DPYSL5: variants seen among roughly 807,000 people sequenced by gnomAD.
DPYSL5 encodes dihydropyrimidinase like 5.
A neutral mutation model predicts 58.4 loss-of-function variants in DPYSL5; 9 were observed. That is an observed-to-expected ratio of 0.15 (90% CI 0.09 to 0.27). The LOEUF is 0.27. Among genes scored for constraint, DPYSL5 ranks in the 10% least tolerant of loss-of-function variants. The pLI is 1.00. For synonymous variants in DPYSL5, 293 were observed against 301.9 expected (o/e 0.97, Z 0.31); for missense variants, 499 against 770.6 (o/e 0.65, Z 4.17).
intron 2 of DPYSL5, among the ~76,000 whole-genome samples, chr2:26,907,180 T>C (rs1400274431): frequency 6.6e-6 from 1 of 152,106 alleles, no homozygotes; most frequent in South Asian, 2.1e-4. Flanking sequence ...AGTGGTGCAA[T>C]CTTGGCTCAC....
chr2:26,863,426 C>T (rs1666066275), intron 1 of DPYSL5, among the ~76,000 whole-genome samples: 1 of 152,248 alleles, frequency 6.6e-6, no homozygotes, highest in Non-Finnish European at 1.5e-5. Flanking sequence ...CACTGCTTCT[C>T]AAATCTTGCC....
intron 9 of DPYSL5, among the ~76,000 whole-genome samples, chr2:26,941,268 G>A (rs1665316247): frequency 6.6e-6 from 1 of 152,112 alleles, no homozygotes; most frequent in Non-Finnish European, 1.5e-5. Flanking sequence ...ATTTCCTTAA[G>A]ACAGCATCCT....
intron 1 of DPYSL5, among the ~76,000 whole-genome samples, chr2:26,884,973 C>T (rs1023046889): frequency 2.0e-5 from 3 of 151,916 alleles, no homozygotes; most frequent in East Asian, 3.9e-4. Context: ...CTGAGGCAGG[C>T]GGATCACCTG....
chr2:26,896,737 G>T (rs1664031253), intron 1 of DPYSL5, among the ~76,000 whole-genome samples: 1 of 152,102 alleles, frequency 6.6e-6, no homozygotes, highest in Non-Finnish European at 1.5e-5. Context: ...TTGTTTTCTT[G>T]CTGTTGGGCT....
Position 26,905,691 on chromosome 2 carries a change from C to T in DPYSL5, c.261+6931C>T, listed in dbSNP as rs2148142689. ...GCTGTAAAGAGCCCTGTGAAGGCTT[C>T]ATGAAGTGACTTCCCCTCCCCTGCC... On this transcript the variant is annotated intron_variant, in intron 2 of 12. Coordinates refer to ENST00000288699, the MANE Select transcript of DPYSL5 (RefSeq NM_020134.4). The surrounding 1 kb of genome is among the most constrained non-coding windows in gnomAD (Gnocchi z 4.0). Among the ~76,000 whole-genome samples the T allele has an allele frequency of 6.6e-6, 1 of 152,324 alleles. No homozygotes were observed.
intron 5 of DPYSL5, among the ~76,000 whole-genome samples, chr2:26,931,201 G>GTATATATATATATATATATATA (rs1161770394): frequency 2.8e-3 from 150 of 54,494 alleles, no homozygotes; most frequent in Non-Finnish European, 4.1e-3. Context: ...GTGTGTGTGT[G>GTATATATATATATATATATATA]TGTATATATA....
chr2:26,902,692 C>T (rs1029121283), intron 2 of DPYSL5, among the ~76,000 whole-genome samples: 1 of 152,152 alleles, frequency 6.6e-6, no homozygotes, highest in African/African-American at 2.4e-5. Context: ...AAGACCTATT[C>T]GGCTGCATTC....
chr2:26,917,154 C>T (rs877273), intron 2 of DPYSL5, among the ~76,000 whole-genome samples: 60,323 of 151,974 alleles, frequency 0.4, 12,394 homozygotes, highest in Admixed American at 0.55. Flanking sequence ...TAATAAGTGA[C>T]GGAGCTGGAA....
chr2:26,885,159 A>C (rs1327116051), intron 1 of DPYSL5, among the ~76,000 whole-genome samples: 1 of 152,126 alleles, frequency 6.6e-6, no homozygotes, highest in African/African-American at 2.4e-5. Flanking sequence ...GGATCGTGCC[A>C]TTGCACTCCA....
intron 1 of DPYSL5, among the ~76,000 whole-genome samples, chr2:26,883,267 G>A (rs1663620478): frequency 6.6e-6 from 1 of 152,040 alleles, no homozygotes; most frequent in Non-Finnish European, 1.5e-5. Flanking sequence ...TGAGTTTTCT[G>A]ATTATCATTT....
intron 5 of DPYSL5, among the ~76,000 whole-genome samples, chr2:26,930,450 G>A (rs78940216): frequency 0.067 from 10,263 of 152,242 alleles, 500 homozygotes; most frequent in Non-Finnish European, 0.11. Context: ...GGGGCAGGGC[G>A]GATGCTACAG....
At chr2:26,923,824 C>T (rs1192555787) in intron 2 of DPYSL5, among the ~76,000 whole-genome samples, 2 of 152,088 alleles carry the variant, frequency 1.3e-5, no homozygotes, top group Non-Finnish European at 2.9e-5. Flanking sequence ...TCACACCCAG[C>T]TAATTTCTGT....
At chr2:26,906,730 C>T (rs1033607960) in intron 2 of DPYSL5, among the ~76,000 whole-genome samples, 15 of 152,162 alleles carry the variant, frequency 9.9e-5, no homozygotes, top group African/African-American at 3.4e-4. Flanking sequence ...ATCTCCACTC[C>T]ACCTATTTTG....
At chr2:26,909,704 G>A (rs1243742262) in intron 2 of DPYSL5, among the ~76,000 whole-genome samples, 1 of 152,024 alleles carries the variant, frequency 6.6e-6, no homozygotes, top group East Asian at 1.9e-4. Context: ...GAGCTCAGAA[G>A]TTTGAGGCTG....
intron 2 of DPYSL5, among the ~76,000 whole-genome samples, chr2:26,907,941 C>T (rs1664339437): frequency 6.6e-6 from 1 of 152,142 alleles, no homozygotes; most frequent in Admixed American, 6.5e-5. Context: ...TGGATGTCAG[C>T]ATGGAGTGGG....
At position 26,944,716 on chromosome 2, in the gene DPYSL5, C is replaced by T. The variant is rs766000162; in HGVS notation, c.1501C>T (p.His501Tyr). 1.7e-5 allele frequency: 28 copies of T among 1,613,946 alleles called. No individual in the cohort carries two copies. In the East Asian group the frequency reaches 4.9e-4, roughly 28 times the overall value. Reference protein sequence around the residue: ...PYLGDVAVVVHPGKKEMGTPL... With the variant: ...PYLGDVAVVVYPGKKEMGTPL... ...CCTGGGGGATGTCGCTGTTGTCGTGCACCCTGGGAAAAAAGAGATGGGAAC... is the reference window on the plus strand; with the variant it reads ...CCTGGGGGATGTCGCTGTTGTCGTGTACCCTGGGAAAAAAGAGATGGGAAC... The change falls in exon 12 of 13, where the codon CAC becomes TAC. Residue 501 changes from histidine (H) to tyrosine (Y), a missense_variant. By Grantham distance (83) the His-to-Tyr change is moderately conservative. This residue lies in a region of DPYSL5 where 62 missense variants were observed against 59.2 expected (regional missense o/e 1.05). Transcript: ENST00000288699. The surrounding 1 kb of genome is among the most constrained non-coding windows in gnomAD (Gnocchi z 4.4).
In DPYSL5 at chr2:26,947,484, A is replaced by G. The variant is rs192468454; in HGVS notation, c.*489A>G. On this transcript the variant is annotated 3_prime_UTR_variant, in exon 13 of 13. Coordinates refer to ENST00000288699, the MANE Select transcript of DPYSL5 (RefSeq NM_020134.4). This position sits in a 1 kb window ranked among gnomAD's most constrained non-coding sequence, Gnocchi z 4.2. ...TCAGACAGATGTCAGCTTCCCAGCC[A>G]TGCCCAGGACGTCCTATCTCCCCCA... 1.6e-4 allele frequency: 25 copies of G among 155,774 alleles called. No individual in the cohort carries two copies. The East Asian group carries it at 4.4e-3, about 27-fold the overall frequency. 9.6% of individuals were successfully genotyped at this position (155,774 alleles called of 1,614,324 possible). A position where few individuals can be genotyped will look rare whatever the true frequency, so the allele number is the denominator to read the frequency against.
chr2:26,941,935 T>A lies in DPYSL5; in HGVS notation c.1090-15T>A, dbSNP rs1244853468. On this transcript the variant is annotated splice_polypyrimidine_tract_variant and intron_variant, in intron 9 of 12. Coordinates refer to ENST00000288699, the MANE Select transcript of DPYSL5 (RefSeq NM_020134.4). The stretch of plus-strand genomic sequence containing the variant: ...CCAGAGCCTGGTTGACTTGACACTT[T>A]CTGCAACATTTCAGGTTGGAGGAAA... The A allele has an allele frequency of 6.2e-7, 1 of 1,614,010 alleles. No homozygotes were observed. Among genetic ancestry groups the A allele is most frequent in the Non-Finnish European group, 8.5e-7 (1 of 1,180,038 alleles).
chr2:26,854,152 CA>C (rs143860304), intron 1 of DPYSL5, among the ~76,000 whole-genome samples: 3,249 of 152,188 alleles, frequency 0.021, 132 homozygotes, highest in African/African-American at 0.075. Flanking sequence ...TATAGCCTAG[CA>C]AAGTTGACAC....
Sources: allele counts gnomAD v4.1 joint callset (sites outside exome capture counted in the v4.1 genomes callset), GRCh38; gene constraint gnomAD v4.1.1; regional missense constraint gnomAD v4.1.1; non-coding constraint Gnocchi (gnomAD v3.1); transcripts MANE v1.5; gene names NCBI Gene and HGNC (gene_info 2026-07-23, HGNC 2026-07-21).